LRP2: variants seen among roughly 807,000 people sequenced by gnomAD.
LRP2 encodes LDL receptor related protein 2.
In LRP2, 172 loss-of-function variants were observed where a neutral mutation model predicts 531.0. The ratio of observed to expected loss-of-function variants is 0.32; its 90% CI spans 0.29 to 0.37. The LOEUF is 0.37. Ranked by LOEUF, LRP2 falls within the 10% of genes least tolerant of loss-of-function variation. The pLI, the probability that LRP2 is intolerant of heterozygous loss-of-function variation, is 1.00. For synonymous variants in LRP2, 1,992 were observed against 2,027.6 expected (o/e 0.98, Z 0.47); for missense variants, 5,167 against 5,868.3 (o/e 0.88, Z 3.90).
In LRP2 at chr2:169,247,436, G is replaced by C; in HGVS notation, c.2850C>G (p.Ile950Met). 1 of 1,614,032 alleles carries C rather than the reference G, an allele frequency of 6.2e-7. No homozygotes were observed. ...RKADGGEMTV[I>M]RSGIAYILHL... ...GCAGTATGTAAGCAATGCCACTTCG[G>C]ATAACTGTCATTTCTCCACCATCTG... is the stretch of plus-strand genomic sequence containing the variant. The change falls in exon 20 of 79, where the codon ATC becomes ATG. Residue 950 changes from isoleucine to methionine, a missense_variant. Physicochemically the swap from Ile to Met is conservative, Grantham distance 10. This residue lies in a region of LRP2 where 2,811 missense variants were observed against 3,058.0 expected (regional missense o/e 0.92). Transcript: ENST00000649046.
chr2:169,303,895 T>A (rs1684345924), intron 4 of LRP2, among the ~76,000 whole-genome samples: 1 of 152,208 alleles, frequency 6.6e-6, no homozygotes, highest in Admixed American at 6.5e-5. Flanking sequence ...TTTCACCAAC[T>A]ATTTGTACTT....
intron 4 of LRP2, among the ~76,000 whole-genome samples, chr2:169,305,002 G>C (rs954135082): frequency 6.6e-6 from 1 of 152,100 alleles, no homozygotes; most frequent in Non-Finnish European, 1.5e-5. Context: ...CTCATAAGTG[G>C]GAGTTGAACG....
At chr2:169,269,651 C>T (rs1683344880) in intron 16 of LRP2, among the ~76,000 whole-genome samples, 1 of 152,122 alleles carries the variant, frequency 6.6e-6, no homozygotes, top group African/African-American at 2.4e-5. Flanking sequence ...CATAAGAACC[C>T]TTAGAAGAAA....
chr2:169,272,830 G>T, intron 15 of LRP2, 97 bp downstream of exon 15: 1 of 1,509,330 alleles, frequency 6.6e-7, no homozygotes, highest in Non-Finnish European at 9.2e-7. Flanking sequence ...TAGACAGGGA[G>T]CTGGTCCAGT....
chr2:169,141,584 G>A (rs1685720094), intron 71 of LRP2, among the ~76,000 whole-genome samples: 1 of 152,140 alleles, frequency 6.6e-6, no homozygotes, highest in South Asian at 2.1e-4. Flanking sequence ...GCTTACTTCG[G>A]TTAAAGTTCT....
In LRP2 at chr2:169,152,736, T is replaced by C; in HGVS notation, c.12461+63A>G. On this transcript the variant is annotated intron_variant, in intron 67 of 78. Transcript: ENST00000649046. Reference sequence around the variant, plus strand: ...CCAGACTCACTCATGGCCCATGGAGTGCAGTAGAGAACTCTAACCAGGAAA... The same window carrying C: ...CCAGACTCACTCATGGCCCATGGAGCGCAGTAGAGAACTCTAACCAGGAAA... 5 of 1,572,524 alleles carry C rather than the reference T, an allele frequency of 3.2e-6. No individual in the cohort carries two copies. In the Admixed American group the frequency reaches 5.0e-5, roughly 16 times the overall value.
chr2:169,140,046 G>C (rs6746604), intron 72 of LRP2, among the ~76,000 whole-genome samples: 93,864 of 152,050 alleles, frequency 0.62, 31,924 homozygotes, highest in South Asian at 0.78. Context: ...TGCTCATCAC[G>C]AGTGCCTTGT....
At position 169,168,990 on chromosome 2, in the gene LRP2, C is replaced by T. The variant is rs140202052; in HGVS notation, c.11498-314G>A. Among the ~76,000 whole-genome samples, 39 of 152,252 alleles carry T rather than the reference C, an allele frequency of 2.6e-4. 1 individual carries two copies. The highest frequency in any genetic ancestry group is 1.0e-3 in the South Asian group (5 of 4,824). ...GTCTCTTTGGCAACCACATCATCAACGATAACCATCATGGATGGTTATCAT... is the reference window on the plus strand; with the variant it reads ...GTCTCTTTGGCAACCACATCATCAATGATAACCATCATGGATGGTTATCAT... On this transcript the variant is annotated intron_variant, in intron 60 of 78. Coordinates refer to ENST00000649046, the MANE Select transcript of LRP2 (RefSeq NM_004525.3).
chr2:169,139,801 G>C (rs2105338447), intron 72 of LRP2, 191 bp from the exon 73 acceptor site: 1 of 673,646 alleles, frequency 1.5e-6, no homozygotes, highest in Non-Finnish European at 2.7e-6. Flanking sequence ...TCTGATTTTA[G>C]AAATGCACTT....
Position 169,256,218 on chromosome 2 carries a change from C to A in LRP2, c.2658G>T (p.Trp886Cys). ...CAATTTTATCAAAATAGGCATCTAC[C>A]CAGTACAATCGTGAAGCACTAAAAT... ...AIDWAASRLY[W>C]VDAYFDKIEH... Residue 886 changes from tryptophan (W) to cysteine (C), a missense_variant, in exon 19 of 79, where the codon TGG (tryptophan) becomes TGT (cysteine). Physicochemically the swap from Trp to Cys is radical, Grantham distance 215. This residue lies in a region of LRP2 where 2,811 missense variants were observed against 3,058.0 expected (regional missense o/e 0.92). Coordinates refer to ENST00000649046, the MANE Select transcript of LRP2 (RefSeq NM_004525.3). 1 of 1,612,616 alleles carries A rather than the reference C, an allele frequency of 6.2e-7. No homozygotes were observed. Among genetic ancestry groups the A allele is most frequent in the Non-Finnish European group, 8.5e-7 (1 of 1,178,950 alleles).
In LRP2 at chr2:169,127,555, A is replaced by C. The variant is rs976772637; in HGVS notation, c.*1108T>G. ...CTCTAAAAAAAAAAAAAAAAAAAAAACCAATAAGAATTAAAGAAAAGATCT... is the reference window on the plus strand; with the variant it reads ...CTCTAAAAAAAAAAAAAAAAAAAAACCCAATAAGAATTAAAGAAAAGATCT... On this transcript the variant is annotated 3_prime_UTR_variant, in exon 79 of 79. Transcript: ENST00000649046. 1.1e-4 allele frequency: 17 copies of C among 150,960 alleles called. No homozygotes were observed. The highest frequency in any genetic ancestry group is 4.1e-4 in the African/African-American group (17 of 41,004). The allele number at this position is 150,960 out of a possible 1,614,324, so 9.4% of individuals were successfully genotyped here. A position where few individuals can be genotyped will look rare whatever the true frequency, so the allele number is the denominator to read the frequency against.
chr2:169,201,862 T>C lies in LRP2; in HGVS notation c.8218A>G (p.Thr2740Ala), dbSNP rs1347386896. The change falls in exon 44 of 79, where the codon ACC (threonine) becomes GCC (alanine). Residue 2740 changes from threonine (T) to alanine (A), a missense_variant. This residue lies in a region of LRP2 where 1,129 missense variants were observed against 1,362.7 expected (regional missense o/e 0.83). Transcript: ENST00000649046. Reference protein sequence around the residue: ...DEMESVCALHTCSPTAFTCAN... With the variant: ...DEMESVCALHACSPTAFTCAN... ...CAGGTGAAGGCTGTCGGTGAGCAGG[T>C]GTGAAGTGCTAAGAACAGGAAAAAC... 2 of 1,613,978 alleles carry C rather than the reference T, an allele frequency of 1.2e-6. No homozygotes were observed. Among genetic ancestry groups the C allele is most frequent in the Non-Finnish European group, 1.7e-6 (2 of 1,180,016 alleles).
At chr2:169,324,272 C>T (rs1404364622) in intron 1 of LRP2, among the ~76,000 whole-genome samples, 4 of 152,094 alleles carry the variant, frequency 2.6e-5, no homozygotes, top group Non-Finnish European at 2.9e-5. Flanking sequence ...TTCCAGCATT[C>T]GTGCTACTTG....
At chr2:169,329,116 G>GA (rs992848580) in intron 1 of LRP2, among the ~76,000 whole-genome samples, 3 of 152,058 alleles carry the variant, frequency 2.0e-5, no homozygotes, top group African/African-American at 7.2e-5. Flanking sequence ...TGACTTTGGC[G>GA]AAAAAAATAA....
At chr2:169,305,003 G>A (rs1048716884) in intron 4 of LRP2, among the ~76,000 whole-genome samples, 1 of 152,146 alleles carries the variant, frequency 6.6e-6, no homozygotes, top group Non-Finnish European at 1.5e-5. Context: ...TCATAAGTGG[G>A]AGTTGAACGA....
At chr2:169,231,285 C>A (rs1689388748) in intron 31 of LRP2, among the ~76,000 whole-genome samples, 1 of 142,910 alleles carries the variant, frequency 7.0e-6, no homozygotes, top group Non-Finnish European at 1.5e-5. Context: ...CAGAGCAAGA[C>A]CCTGTCTCAG....
chr2:169,131,764 C>T (rs1238167582), intron 77 of LRP2, among the ~76,000 whole-genome samples: 1 of 152,154 alleles, frequency 6.6e-6, no homozygotes, highest in Non-Finnish European at 1.5e-5. Flanking sequence ...ACTCAATATG[C>T]CAATAGCGCC....
At chr2:169,325,239 A>T (rs1685017545) in intron 1 of LRP2, among the ~76,000 whole-genome samples, 1 of 152,122 alleles carries the variant, frequency 6.6e-6, no homozygotes, top group Non-Finnish European at 1.5e-5. Flanking sequence ...TCTGTGGCAA[A>T]TCCTATTTCC....
chr2:169,133,892 G>A (rs185370861), intron 76 of LRP2, among the ~76,000 whole-genome samples: 97 of 152,202 alleles, frequency 6.4e-4, no homozygotes, highest in Admixed American at 3.4e-3. Flanking sequence ...CAAATTACCT[G>A]GGCTGTACTG....
Sources: allele counts gnomAD v4.1 joint callset (sites outside exome capture counted in the v4.1 genomes callset), GRCh38; gene constraint gnomAD v4.1.1; regional missense constraint gnomAD v4.1.1; transcripts MANE v1.5; gene names NCBI Gene and HGNC (gene_info 2026-07-23, HGNC 2026-07-21).